Variants in GPC6 observed in about 807,000 individuals in gnomAD.
The protein encoded by GPC6 is glypican-6.
GPC6 carries 14 observed loss-of-function variants against 55.2 expected under a neutral mutation model. The ratio of observed to expected loss-of-function variants is 0.25; its 90% CI spans 0.17 to 0.40. The LOEUF is 0.40. GPC6 is among the 10% of genes least tolerant of loss of function. The pLI is 1.00. For missense variants in GPC6, 641 were observed against 708.5 expected, an observed-to-expected ratio of 0.90 and a Z score of 1.08; for synonymous variants, 278 against 259.6, an observed-to-expected ratio of 1.07 and a Z score of -0.68.
intron 4 of GPC6, among the ~76,000 whole-genome samples, chr13:94,238,017 A>T (rs1384753724): frequency 1.3e-5 from 2 of 152,158 alleles, no homozygotes; most frequent in African/African-American, 4.8e-5. Flanking sequence ...TGGAAGAGGA[A>T]TTAGTAGAAC....
chr13:93,479,608 A>ACC (rs35932826), intron 1 of GPC6, among the ~76,000 whole-genome samples: 5,083 of 140,960 alleles, frequency 0.036, 248 homozygotes, highest in African/African-American at 0.11. Context: ...ACGTGGTGAG[A>ACC]CCCCCCCCCA....
rs1042161289 is a variant in GPC6, at chr13:93,571,245, A to G, written c.319+25824A>G. ...TAGCTCTCAATGCGCAAACAGGCAT[A>G]CATGTACACGTGTGCACATACATAC... On this transcript the variant is annotated intron_variant, in intron 2 of 8. Transcript: ENST00000377047. Among the ~76,000 whole-genome samples, 61 of 152,144 alleles carry G rather than the reference A, an allele frequency of 4.0e-4. 2 individuals are homozygous for G. Among genetic ancestry groups the G allele is most frequent in the Non-Finnish European group, 1.0e-4 (7 of 68,028 alleles).
intron 4 of GPC6, among the ~76,000 whole-genome samples, chr13:94,072,746 TG>T (rs1228566060): frequency 6.6e-6 from 1 of 152,212 alleles, no homozygotes; most frequent in Non-Finnish European, 1.5e-5. Context: ...TCAAGATATT[TG>T]TGGTCTGCAG....
chr13:93,897,395 A>G (rs924859258), intron 3 of GPC6, among the ~76,000 whole-genome samples: 3 of 152,032 alleles, frequency 2.0e-5, no homozygotes, highest in Non-Finnish European at 4.4e-5. Context: ...GAGTCCAGTT[A>G]CCCTGATTTG....
intron 6 of GPC6, among the ~76,000 whole-genome samples, chr13:94,342,819 GCCCA>G (rs1336640082): frequency 1.3e-5 from 2 of 152,012 alleles, no homozygotes; most frequent in South Asian, 4.2e-4. Flanking sequence ...TCTCTCGTAA[GCCCA>G]TCCTCAGTCC....
chr13:93,962,656 T>C (rs1490366453), intron 3 of GPC6, among the ~76,000 whole-genome samples: 3 of 152,194 alleles, frequency 2.0e-5, no homozygotes, highest in Admixed American at 2.0e-4. Flanking sequence ...TCCTTTGAAA[T>C]TTGAATCCAG....
rs146205260 is a variant in GPC6, at chr13:93,805,694, AAAG to A, written c.320-24456_320-24454del. Among the ~76,000 whole-genome samples, 425 of 152,294 alleles carry A rather than the reference AAAG, an allele frequency of 2.8e-3. 4 individuals carry two copies. The highest frequency in any genetic ancestry group is 9.4e-3 in the African/African-American group (389 of 41,574). On this transcript the variant is annotated intron_variant, in intron 2 of 8. Transcript: ENST00000377047. Reference sequence around the variant, plus strand: ...AAATATATTTGTTTGCGTATTCTAAAAAGAAGGAGCAGAATTGTTGATCATCCC... The same window carrying A: ...AAATATATTTGTTTGCGTATTCTAAAAAGGAGCAGAATTGTTGATCATCCC...
intron 3 of GPC6, among the ~76,000 whole-genome samples, chr13:93,850,071 A>G (rs975634221): frequency 3.3e-5 from 5 of 152,124 alleles, no homozygotes; most frequent in Non-Finnish European, 5.9e-5. Context: ...ATGAGCGATT[A>G]AAAGGAAGAT....
chr13:93,797,835 G>A (rs1886247037), intron 2 of GPC6, among the ~76,000 whole-genome samples: 1 of 152,158 alleles, frequency 6.6e-6, no homozygotes, highest in South Asian at 2.1e-4. Context: ...ACAGCAGAGT[G>A]ACTGTTTCGA....
chr13:93,793,421 C>T (rs1171288477), intron 2 of GPC6, among the ~76,000 whole-genome samples: 1 of 152,108 alleles, frequency 6.6e-6, no homozygotes, highest in Non-Finnish European at 1.5e-5. Flanking sequence ...AACAAACAAA[C>T]AGATTTAAAT....
intron 5 of GPC6, among the ~76,000 whole-genome samples, chr13:94,303,976 T>A (rs1421787525): frequency 2.0e-5 from 3 of 152,210 alleles, no homozygotes; most frequent in African/African-American, 7.2e-5. Context: ...CCGTTAGTAT[T>A]GTTTCGCCTT....
At chr13:93,898,073 C>G (rs570963101) in intron 3 of GPC6, among the ~76,000 whole-genome samples, 1 of 152,196 alleles carries the variant, frequency 6.6e-6, no homozygotes, top group South Asian at 2.1e-4. Flanking sequence ...TTAAAACATA[C>G]AGTTGAGCCA....
chr13:94,190,309 GAAA>G (rs60188375), intron 4 of GPC6, among the ~76,000 whole-genome samples: 4 of 145,668 alleles, frequency 2.7e-5, no homozygotes, highest in African/African-American at 7.4e-5. Flanking sequence ...GCAAGACTCT[GAAA>G]AAAAAAAAAA....
At chr13:93,532,000 A>T (rs1299076599) in intron 1 of GPC6, among the ~76,000 whole-genome samples, 1 of 152,196 alleles carries the variant, frequency 6.6e-6, no homozygotes, top group East Asian at 1.9e-4. Flanking sequence ...TGAAACTGTG[A>T]ACTACCTCCA....
chr13:93,274,052 C>T (rs375017723), intron 1 of GPC6, among the ~76,000 whole-genome samples: 2 of 152,036 alleles, frequency 1.3e-5, no homozygotes, highest in Non-Finnish European at 2.9e-5. Flanking sequence ...GTGATCCACC[C>T]GCCATGGCTG....
chr13:93,721,105 T>A (rs1383292558), intron 2 of GPC6, among the ~76,000 whole-genome samples: 3 of 151,938 alleles, frequency 2.0e-5, no homozygotes, highest in Non-Finnish European at 4.4e-5. Context: ...TGAATTCAAG[T>A]TCTGAATATC....
intron 4 of GPC6, among the ~76,000 whole-genome samples, chr13:94,173,390 T>C (rs1446167132): frequency 1.3e-5 from 2 of 152,138 alleles, no homozygotes; most frequent in Non-Finnish European, 2.9e-5. Context: ...TTAGGACGTG[T>C]ACAGATGGAG....
At chr13:93,460,061 G>C (rs895488194) in intron 1 of GPC6, among the ~76,000 whole-genome samples, 3 of 152,144 alleles carry the variant, frequency 2.0e-5, no homozygotes, top group Non-Finnish European at 4.4e-5. Context: ...TCCATTGTGA[G>C]GCTGAAATAA....
intron 1 of GPC6, among the ~76,000 whole-genome samples, chr13:93,434,059 C>T (rs768872908): frequency 1.3e-5 from 2 of 152,112 alleles, no homozygotes; most frequent in Non-Finnish European, 2.9e-5. Context: ...TGAAGGGGTC[C>T]AAAGCATATT....
Sources: allele counts gnomAD v4.1 joint callset (sites outside exome capture counted in the v4.1 genomes callset), GRCh38; gene constraint gnomAD v4.1.1; transcripts MANE v1.5; gene names NCBI Gene and HGNC (gene_info 2026-07-23, HGNC 2026-07-21).